The following BIRC6 variants were observed in gnomAD, a reference collection of about 807,000 sequenced individuals.
The protein encoded by BIRC6 is dual E2 ubiquitin-conjugating enzyme/E3 ubiquitin-protein ligase BIRC6.
Under a neutral mutation model 503.3 loss-of-function variants are expected in BIRC6, and 98 were observed. The ratio of observed to expected loss-of-function variants is 0.19; its 90% confidence interval spans 0.17 to 0.23. The LOEUF is 0.23. BIRC6 is among the 10% of genes least tolerant of loss of function. BIRC6 has a pLI of 1.00. For missense variants in BIRC6, 5,360 were observed against 5,806.0 expected (o/e 0.92, Z 2.50); for synonymous variants, 2,240 against 2,078.7 (o/e 1.08, Z -2.11).
chr2:32,609,600 C>T (rs189925977), intron 72 of BIRC6, among the ~76,000 whole-genome samples: 1 of 151,988 alleles, frequency 6.6e-6, no homozygotes, highest in South Asian at 2.1e-4. Flanking sequence ...CATCAGATAG[C>T]ACTGATGAAT....
At chr2:32,607,753 G>A in intron 72 of BIRC6, 110 bp downstream of exon 72, 1 of 869,542 alleles carries the variant, frequency 1.2e-6, no homozygotes, top group Non-Finnish European at 1.7e-6. Flanking sequence ...CAAGGCAGGT[G>A]GATCACTTCA....
At chr2:32,417,757 A>C (rs1461930734) in intron 10 of BIRC6, among the ~76,000 whole-genome samples, 2 of 152,060 alleles carry the variant, frequency 1.3e-5, no homozygotes, top group Non-Finnish European at 2.9e-5. Context: ...TTTTTGAACT[A>C]TATGTAGTGA....
At chr2:32,369,528 A>C (rs1346802310) in intron 1 of BIRC6, among the ~76,000 whole-genome samples, 1 of 151,214 alleles carries the variant, frequency 6.6e-6, no homozygotes, top group Non-Finnish European at 1.5e-5. Context: ...CCCGGGTTCA[A>C]GCGTTTCTTC....
At chr2:32,461,864 C>G (rs2048028072) in intron 23 of BIRC6, among the ~76,000 whole-genome samples, 1 of 151,930 alleles carries the variant, frequency 6.6e-6, no homozygotes, top group Admixed American at 6.6e-5. Flanking sequence ...GCAACAAAAA[C>G]TTTGCCTAGT....
intron 57 of BIRC6, among the ~76,000 whole-genome samples, chr2:32,520,435 CT>C (rs1440706635): frequency 2.6e-5 from 4 of 152,086 alleles, no homozygotes; most frequent in African/African-American, 7.2e-5. Context: ...TACAGAGAAA[CT>C]TTTTTGAAAA....
intron 33 of BIRC6, among the ~76,000 whole-genome samples, chr2:32,475,159 TAAAA>T (rs11394641): frequency 8.8e-6 from 1 of 114,250 alleles, no homozygotes; most frequent in Non-Finnish European, 1.7e-5. Context: ...AAGACTATCT[TAAAA>T]AAAAAAAAAA....
chr2:32,481,196 A>C (rs767742420), intron 37 of BIRC6, 124 bp from the exon 38 acceptor site: 1 of 806,956 alleles, frequency 1.2e-6, no homozygotes, highest in Admixed American at 3.0e-5. Flanking sequence ...TTGCATACAT[A>C]GAGTTTTTTT....
intron 3 of BIRC6, among the ~76,000 whole-genome samples, chr2:32,381,933 T>G (rs80058456): frequency 7.0e-6 from 1 of 142,050 alleles, no homozygotes; most frequent in African/African-American, 3.0e-5. Context: ...TTGCATTGAA[T>G]TTTTTTTTGT....
rs1558510796 is a variant in BIRC6, at chr2:32,357,732, C to G, written c.325+246C>G. 2.0e-5 allele frequency among the ~76,000 whole-genome samples: 3 copies of G among 152,214 alleles called. No homozygotes were observed. The highest frequency in any genetic ancestry group is 4.2e-4 in the South Asian group (2 of 4,818). ...GTGGGAGGGGAGTTGCCTTTCGGGC[C>G]TGGAGCGTCCGGTCTGGCTTGGTCC... On this transcript the variant is annotated intron_variant, in intron 1 of 73. Transcript: ENST00000421745. The surrounding 1 kb of genome is among the most constrained non-coding windows in gnomAD (Gnocchi z 4.9).
chr2:32,399,878 C>G (rs2040410528), intron 6 of BIRC6, among the ~76,000 whole-genome samples: 1 of 152,060 alleles, frequency 6.6e-6, no homozygotes, highest in African/African-American at 2.4e-5. Flanking sequence ...GCCTTGAACA[C>G]CCAGGCTCGA....
intron 66 of BIRC6, among the ~76,000 whole-genome samples, chr2:32,585,945 T>G (rs759462877): frequency 6.6e-6 from 1 of 152,196 alleles, no homozygotes; most frequent in Non-Finnish European, 1.5e-5. Flanking sequence ...TGATAGAAAA[T>G]GAATCTGTTG....
Position 32,595,033 on chromosome 2 carries a change from G to A in BIRC6, c.13502-1G>A. On this transcript the variant is annotated splice_acceptor_variant, in intron 67 of 73. Transcript: ENST00000421745. LOFTEE classifies it high-confidence loss of function. The stretch of plus-strand genomic sequence containing the variant: ...ATTTATCTTGAAATATTAAATAACA[G>A]AAAAAAAACTGGGTGAATACTCCAA... The A allele has an allele frequency of 6.4e-7, 1 of 1,554,442 alleles. No homozygotes were observed. Among genetic ancestry groups the A allele is most frequent in the Non-Finnish European group, 8.7e-7 (1 of 1,148,054 alleles).
At chr2:32,378,403 CTTTT>C (rs945228003) in intron 2 of BIRC6, among the ~76,000 whole-genome samples, 13 of 151,536 alleles carry the variant, frequency 8.6e-5, no homozygotes, top group African/African-American at 3.1e-4. Flanking sequence ...TTCTTTCTTT[CTTTT>C]TTTTAATATT....
At chr2:32,473,612 T>A (rs1487921808) in intron 33 of BIRC6, among the ~76,000 whole-genome samples, 1 of 152,030 alleles carries the variant, frequency 6.6e-6, no homozygotes, top group African/African-American at 2.4e-5. Flanking sequence ...GTCAAACTCT[T>A]TAACATGGCT....
At chr2:32,450,813 A>G (rs114140851) in intron 22 of BIRC6, among the ~76,000 whole-genome samples, 2,497 of 152,280 alleles carry the variant, frequency 0.016, 52 homozygotes, top group African/African-American at 0.058. Flanking sequence ...GCCTTAAATC[A>G]TTTCTACATC....
intron 3 of BIRC6, among the ~76,000 whole-genome samples, chr2:32,383,020 C>T (rs956343822): frequency 1.3e-5 from 2 of 150,900 alleles, no homozygotes; most frequent in African/African-American, 4.9e-5. Context: ...CCGCACGTGG[C>T]CTGGTCCTCA....
intron 67 of BIRC6, among the ~76,000 whole-genome samples, chr2:32,594,702 AGATGGATGGATG>A (rs60252004): frequency 4.0e-4 from 59 of 149,078 alleles, no homozygotes; most frequent in African/African-American, 1.1e-3. Context: ...GTTTCCAGAT[AGATGGATGGATG>A]GATGGATGGA....
intron 72 of BIRC6, among the ~76,000 whole-genome samples, chr2:32,610,530 A>G (rs917999054): frequency 1.3e-5 from 2 of 152,246 alleles, no homozygotes; most frequent in Admixed American, 1.3e-4. Flanking sequence ...TGCCTTTGGC[A>G]TTTAGAATAT....
intron 65 of BIRC6, among the ~76,000 whole-genome samples, chr2:32,551,434 C>T (rs544092857): frequency 1.3e-5 from 2 of 152,222 alleles, no homozygotes; most frequent in East Asian, 3.9e-4. Context: ...AGACATACAG[C>T]AGCATGCCCG....
Sources: allele counts gnomAD v4.1 joint callset (sites outside exome capture counted in the v4.1 genomes callset), GRCh38; gene constraint gnomAD v4.1.1; non-coding constraint Gnocchi (gnomAD v3.1); transcripts MANE v1.5; gene names NCBI Gene and HGNC (gene_info 2026-07-23, HGNC 2026-07-21).